Variants in FAM131C observed in about 807,000 individuals in gnomAD.
FAM131C encodes the protein protein FAM131C.
FAM131C carries 14 observed loss-of-function variants against 29.8 expected under a neutral mutation model. That is an observed-to-expected ratio of 0.47 (90% CI 0.31 to 0.73). The LOEUF (loss-of-function observed/expected upper bound fraction) is 0.73. FAM131C is among the 30% of genes least tolerant of loss of function. The probability of loss-of-function intolerance (pLI) is 0.05; values close to 1 mark genes in which losing one functional copy is unlikely to be tolerated. For synonymous variants in FAM131C, 86 were observed against 157.8 expected (o/e 0.54, Z 3.41); for missense variants, 252 against 383.8 (o/e 0.66, Z 2.87).
intron 1 of FAM131C, among the ~76,000 whole-genome samples, chr1:16,064,619 G>A (rs1034403387): frequency 1.3e-5 from 2 of 152,148 alleles, no homozygotes; most frequent in Non-Finnish European, 2.9e-5. Context: ...TTACCACTGG[G>A]TGGGGCCGTC....
chr1:16,066,618 G>A (rs2023686596), intron 1 of FAM131C, among the ~76,000 whole-genome samples: 1 of 152,146 alleles, frequency 6.6e-6, no homozygotes, highest in South Asian at 2.1e-4. Flanking sequence ...TTATTTTAAT[G>A]AAATAGAATG....
chr1:16,070,893 C>A (rs368016556), intron 1 of FAM131C, among the ~76,000 whole-genome samples: 1 of 152,240 alleles, frequency 6.6e-6, no homozygotes, highest in African/African-American at 2.4e-5. Flanking sequence ...GCACTCCTAG[C>A]CTCTCTACCA....
intron 4 of FAM131C, 27 bp downstream of exon 4, chr1:16,062,072 G>A (rs541850510): frequency 1.9e-5 from 31 of 1,607,266 alleles, no homozygotes; most frequent in South Asian, 5.5e-5. Flanking sequence ...ATTCTCCACC[G>A]GCAGGAGAGT....
intron 3 of FAM131C, 105 bp downstream of exon 3, chr1:16,062,394 C>CCCCCCCCG: frequency 1.7e-6 from 2 of 1,172,018 alleles, no homozygotes; most frequent in Non-Finnish European, 2.3e-6. Context: ...CCCCCCCCCC[C>CCCCCCCCG]GCCCCAGGGC....
At position 16,062,449 on chromosome 1, in the gene FAM131C, C is replaced by A. The variant is rs60570545; in HGVS notation, c.174+50G>T. On this transcript the variant is annotated intron_variant, in intron 3 of 6. Coordinates refer to ENST00000375662, the MANE Select transcript of FAM131C (RefSeq NM_182623.3). Reference sequence around the variant, plus strand: ...GGCTGGGCACAAAGGATGGAGGGGCCGTGGTGTCAGCTGGGGCCGGCTAGA... The same window carrying A: ...GGCTGGGCACAAAGGATGGAGGGGCAGTGGTGTCAGCTGGGGCCGGCTAGA... The A allele has an allele frequency of 2.2e-4, 330 of 1,477,654 alleles. No individual in the cohort carries two copies. The African/African-American group carries it at 4.2e-3, about 19-fold the overall frequency. 91.5% of individuals were successfully genotyped at this position (1,477,654 alleles called of 1,614,324 possible). A position where few individuals can be genotyped will look rare whatever the true frequency, so the allele number is the denominator to read the frequency against.
chr1:16,067,658 T>C (rs2023698044), intron 1 of FAM131C, among the ~76,000 whole-genome samples: 1 of 152,188 alleles, frequency 6.6e-6, no homozygotes, highest in African/African-American at 2.4e-5. Flanking sequence ...TTGAGGGTGC[T>C]TCCTGCCTTC....
intron 1 of FAM131C, among the ~76,000 whole-genome samples, chr1:16,067,793 G>C (rs2023698986): frequency 6.6e-6 from 1 of 152,052 alleles, no homozygotes; most frequent in Non-Finnish European, 1.5e-5. Flanking sequence ...TGATCCTTGG[G>C]TGAGTCTGCA....
intron 1 of FAM131C, among the ~76,000 whole-genome samples, chr1:16,065,273 T>C (rs1490931563): frequency 6.6e-6 from 1 of 151,520 alleles, no homozygotes; most frequent in East Asian, 1.9e-4. Flanking sequence ...CTTCCCCCAC[T>C]CTCCCCGGGG....
At chr1:16,060,685 G>A (rs79679401) in intron 4 of FAM131C, among the ~76,000 whole-genome samples, 3,073 of 152,272 alleles carry the variant, frequency 0.02, 78 homozygotes, top group African/African-American at 0.055. Context: ...AGTGTCTGGC[G>A]TGAGTCCAGG....
chr1:16,072,738 G>A (rs1463901705), intron 1 of FAM131C, among the ~76,000 whole-genome samples: 1 of 152,108 alleles, frequency 6.6e-6, no homozygotes, highest in Non-Finnish European at 1.5e-5. Context: ...GCAAGGGCAG[G>A]TCCCCTCCAC....
At chr1:16,065,985 C>T (rs1013369715) in intron 1 of FAM131C, among the ~76,000 whole-genome samples, 6 of 152,108 alleles carry the variant, frequency 3.9e-5, no homozygotes, top group South Asian at 2.1e-4. Context: ...CTCTAACCTC[C>T]GCCTCCCAGA....
intron 4 of FAM131C, among the ~76,000 whole-genome samples, chr1:16,061,522 A>G (rs2023592422): frequency 6.6e-6 from 1 of 152,048 alleles, no homozygotes; most frequent in East Asian, 1.9e-4. Flanking sequence ...AGAGGCCGGG[A>G]GGCTACCTAG....
chr1:16,073,577 G>C lies in FAM131C; in HGVS notation c.-135C>G, dbSNP rs566740677. The C allele has an allele frequency of 0.012, 4,061 of 327,610 alleles. 53 individuals carry two copies. Among genetic ancestry groups the C allele is most frequent in the South Asian group, 0.067 (498 of 7,436 alleles). The allele number at this position is 327,610 out of a possible 1,614,324, so 20.3% of individuals were successfully genotyped here. On this transcript the variant is annotated 5_prime_UTR_variant, in exon 1 of 7. Transcript: ENST00000375662. ...CGGGGGGCTCGGGCGCCCTCAGCTC[G>C]GCCTCAGCTCCAGCCTGGGTCGTCC...
At chr1:16,065,306 C>G (rs2023667742) in intron 1 of FAM131C, among the ~76,000 whole-genome samples, 1 of 152,202 alleles carries the variant, frequency 6.6e-6, no homozygotes, top group South Asian at 2.1e-4. Context: ...CCGGCAAATC[C>G]TGTTAGCCCT....
At position 16,063,557 on chromosome 1, in the gene FAM131C, G is replaced by C; in HGVS notation, c.102C>G (p.Arg34=). 1 of 1,613,886 alleles carries C rather than the reference G, an allele frequency of 6.2e-7. No individual in the cohort carries two copies. Among genetic ancestry groups the C allele is most frequent in the Non-Finnish European group, 8.5e-7 (1 of 1,179,868 alleles). ...DPLNPDLPSG[R]TPTVAPDCVI... ...CACAGTCTGGAGCCACGGTGGGAGT[G>C]CGGCCCGAGGGCAGATCTGGGTTCA... The change falls in exon 2 of 7, where the codon CGC becomes CGG. Residue 34 remains arginine (R), a synonymous_variant. Coordinates refer to ENST00000375662, the MANE Select transcript of FAM131C (RefSeq NM_182623.3).
intron 1 of FAM131C, among the ~76,000 whole-genome samples, chr1:16,072,610 G>T (rs916439964): frequency 2.6e-5 from 4 of 152,158 alleles, no homozygotes; most frequent in Admixed American, 2.0e-4. Flanking sequence ...GGTGGTGATG[G>T]GTGGGGGTGG....
intron 1 of FAM131C, among the ~76,000 whole-genome samples, chr1:16,072,778 A>T (rs1248794505): frequency 6.6e-6 from 1 of 151,654 alleles, no homozygotes; most frequent in African/African-American, 2.4e-5. Flanking sequence ...GGGAGAGTGG[A>T]GGGTGACAGG....
chr1:16,061,294 A>G (rs1441693174), intron 4 of FAM131C, among the ~76,000 whole-genome samples: 1 of 151,996 alleles, frequency 6.6e-6, no homozygotes, highest in Non-Finnish European at 1.5e-5. Flanking sequence ...GGAGGAAGGC[A>G]CTGGAGATGG....
chr1:16,072,487 C>T (rs549211614), intron 1 of FAM131C, among the ~76,000 whole-genome samples: 5 of 152,252 alleles, frequency 3.3e-5, no homozygotes, highest in African/African-American at 1.2e-4. Flanking sequence ...AAAGCCACCC[C>T]CACTCCCAGT....
Sources: gnomAD v4.1 joint callset for allele counts (sites outside exome capture counted in the v4.1 genomes callset) on GRCh38, gnomAD v4.1.1 for gene constraint, MANE v1.5 for transcripts, NCBI Gene and HGNC (gene_info 2026-07-23, HGNC 2026-07-21) for gene names.